The following MDGA2 variants were observed in gnomAD, a reference collection of about 807,000 sequenced individuals.
The protein encoded by MDGA2 is MAM domain-containing glycosylphosphatidylinositol anchor protein 2.
A neutral mutation model predicts 117.8 loss-of-function variants in MDGA2; 40 were observed. The ratio of observed to expected loss-of-function variants is 0.34; its 90% CI spans 0.26 to 0.44. The LOEUF (loss-of-function observed/expected upper bound fraction) is 0.44. Among genes scored for constraint, MDGA2 ranks in the 20% least tolerant of loss-of-function variants. MDGA2 has a pLI of 1.00. For synonymous variants in MDGA2, 452 were observed against 439.0 expected, an observed-to-expected ratio of 1.03 and a Z score of -0.37; for missense variants, 1,123 against 1,250.6, an observed-to-expected ratio of 0.90 and a Z score of 1.54.
chr14:47,609,732 G>A (rs8013278), intron 1 of MDGA2, among the ~76,000 whole-genome samples: 37,774 of 150,758 alleles, frequency 0.25, 5,723 homozygotes, highest in South Asian at 0.47. Flanking sequence ...CCCAATCACC[G>A]CATCCACATC....
chr14:47,282,084 A>G (rs1246100841), intron 2 of MDGA2, among the ~76,000 whole-genome samples: 1 of 152,002 alleles, frequency 6.6e-6, no homozygotes, highest in African/African-American at 2.4e-5. Context: ...TTCTTCAACA[A>G]TTATTTGGAT....
intron 10 of MDGA2, among the ~76,000 whole-genome samples, chr14:46,911,073 A>AGG (rs1392425609): frequency 6.6e-6 from 1 of 152,152 alleles, no homozygotes; most frequent in Non-Finnish European, 1.5e-5. Context: ...GTGATGAAAT[A>AGG]ATCTTCACAA....
At chr14:47,068,012 C>A (rs572588418) in intron 6 of MDGA2, among the ~76,000 whole-genome samples, 1 of 152,022 alleles carries the variant, frequency 6.6e-6, no homozygotes, top group East Asian at 1.9e-4. Flanking sequence ...TACGTTACAC[C>A]CTTCCTGAAA....
In MDGA2 at chr14:47,482,267, AGTTTC is replaced by A. The variant is rs573802445; in HGVS notation, c.281-180722_281-180718del. Reference sequence around the variant, plus strand: ...ATTTAGGAAAAGAGGAATGGAGGGAAGTTTCCCTAATATAAAAAAGGTTGCAAAGA... The same window carrying A: ...ATTTAGGAAAAGAGGAATGGAGGGAACCTAATATAAAAAAGGTTGCAAAGA... On this transcript the variant is annotated intron_variant, in intron 1 of 16. Transcript: ENST00000399232. 2.0e-5 allele frequency among the ~76,000 whole-genome samples: 3 copies of A among 152,152 alleles called. No individual in the cohort carries two copies. In the South Asian group the frequency reaches 6.2e-4, roughly 32 times the overall value.
At chr14:47,032,499 A>T (rs939448088) in intron 8 of MDGA2, among the ~76,000 whole-genome samples, 3 of 152,092 alleles carry the variant, frequency 2.0e-5, no homozygotes, top group African/African-American at 7.2e-5. Context: ...AGGTGGAAGC[A>T]TTGGTTGAGC....
chr14:46,932,655 AATG>A, intron 9 of MDGA2, among the ~76,000 whole-genome samples: 1 of 152,270 alleles, frequency 6.6e-6, no homozygotes, highest in East Asian at 1.9e-4. Flanking sequence ...AAACTAGAAA[AATG>A]ATGATCAGAT....
chr14:47,172,033 C>A (rs577906905), intron 3 of MDGA2, among the ~76,000 whole-genome samples: 10 of 152,278 alleles, frequency 6.6e-5, no homozygotes, highest in African/African-American at 2.4e-4. Flanking sequence ...CCCACTGAGT[C>A]TCGCTGATTG....
At chr14:47,031,378 G>C (rs1352071946) in intron 8 of MDGA2, among the ~76,000 whole-genome samples, 1 of 151,950 alleles carries the variant, frequency 6.6e-6, no homozygotes, top group East Asian at 1.9e-4. Flanking sequence ...AAAATATCTT[G>C]AAAATACTGG....
intron 1 of MDGA2, among the ~76,000 whole-genome samples, chr14:47,383,884 T>C (rs1036897981): frequency 2.0e-5 from 3 of 152,098 alleles, no homozygotes; most frequent in African/African-American, 7.2e-5. Context: ...TTATGACGAT[T>C]TTGATCATGC....
intron 2 of MDGA2, among the ~76,000 whole-genome samples, chr14:47,296,369 C>T (rs910651723): frequency 6.6e-6 from 1 of 152,132 alleles, no homozygotes; most frequent in African/African-American, 2.4e-5. Flanking sequence ...ACACAAGTAA[C>T]ACACTGGGAG....
chr14:47,248,607 G>C (rs541706832), intron 2 of MDGA2, among the ~76,000 whole-genome samples: 1 of 146,302 alleles, frequency 6.8e-6, no homozygotes, highest in South Asian at 2.1e-4. Context: ...CAGATGGCTG[G>C]CATCATGCAA....
chr14:46,986,620 G>C (rs1291394319), intron 8 of MDGA2, among the ~76,000 whole-genome samples: 1 of 152,040 alleles, frequency 6.6e-6, no homozygotes, highest in Non-Finnish European at 1.5e-5. Context: ...ATTTCCAAAA[G>C]ATAAATGTCT....
chr14:47,558,832 G>A (rs1333593413), intron 1 of MDGA2, among the ~76,000 whole-genome samples: 2 of 152,172 alleles, frequency 1.3e-5, no homozygotes, highest in South Asian at 2.1e-4. Flanking sequence ...TAACAATAGA[G>A]CTTCTCACAG....
intron 4 of MDGA2, among the ~76,000 whole-genome samples, chr14:47,133,512 T>A (rs1882309539): frequency 6.6e-6 from 1 of 151,980 alleles, no homozygotes. Context: ...CCTCACTTTA[T>A]AACATTTCAT....
intron 1 of MDGA2, among the ~76,000 whole-genome samples, chr14:47,493,984 T>C (rs560821170): frequency 6.6e-6 from 1 of 152,260 alleles, no homozygotes; most frequent in Admixed American, 6.5e-5. Flanking sequence ...GATTAGGTCA[T>C]AAGGTTGGTT....
rs142395602 is a variant in MDGA2 at position 47,523,148 on chromosome 14, C to A, written c.280+151369G>T. 2.4e-3 allele frequency among the ~76,000 whole-genome samples: 371 copies of A among 152,104 alleles called. 1 individual carries two copies. Among genetic ancestry groups the A allele is most frequent in the African/African-American group, 8.4e-3 (347 of 41,494 alleles). On this transcript the variant is annotated intron_variant, in intron 1 of 16. Coordinates refer to ENST00000399232, the MANE Select transcript of MDGA2 (RefSeq NM_001113498.3). ...AGCCTGTGCTCCCTACCTAGGCATG[C>A]CAAATAAGCAAAGGCCAAAAAGGAC...
intron 1 of MDGA2, among the ~76,000 whole-genome samples, chr14:47,504,185 T>G (rs1894462389): frequency 6.6e-6 from 1 of 152,054 alleles, no homozygotes; most frequent in African/African-American, 2.4e-5. Context: ...ACTTTGGTGT[T>G]TTAATTGCTC....
At chr14:47,518,280 A>G (rs989792094) in intron 1 of MDGA2, among the ~76,000 whole-genome samples, 25 of 152,210 alleles carry the variant, frequency 1.6e-4, no homozygotes, top group Non-Finnish European at 5.9e-5. Flanking sequence ...CAGATACTGC[A>G]GGAGAACAAA....
intron 1 of MDGA2, among the ~76,000 whole-genome samples, chr14:47,459,037 A>G (rs1893425015): frequency 6.6e-6 from 1 of 151,692 alleles, no homozygotes; most frequent in Admixed American, 6.6e-5. Context: ...AAGGCCGTCT[A>G]TAATTCTTTG....
Sources: gnomAD v4.1 joint callset for allele counts (sites outside exome capture counted in the v4.1 genomes callset) on GRCh38, gnomAD v4.1.1 for gene constraint, MANE v1.5 for transcripts, NCBI Gene and HGNC (gene_info 2026-07-23, HGNC 2026-07-21) for gene names.